Variants in LARP4B observed in about 807,000 individuals in gnomAD.
The protein encoded by LARP4B is La ribonucleoprotein 4B.
A neutral mutation model predicts 89.8 loss-of-function variants in LARP4B; 12 were observed. The observed-to-expected ratio is 0.13, with a 90% confidence interval of 0.09 to 0.22. The LOEUF (loss-of-function observed/expected upper bound fraction) is 0.22, where lower values mean the gene tolerates loss of function less well. LARP4B is among the 10% of genes least tolerant of loss of function. The probability of loss-of-function intolerance (pLI) is 1.00; values close to 1 mark genes in which losing one functional copy is unlikely to be tolerated. For synonymous variants in LARP4B, 367 were observed against 363.3 expected (o/e 1.01, Z -0.12); for missense variants, 757 against 947.7 (o/e 0.80, Z 2.64).
chr10:913,376 T>C (rs1437962014), intron 1 of LARP4B, among the ~76,000 whole-genome samples: 2 of 152,232 alleles, frequency 1.3e-5, no homozygotes, highest in Non-Finnish European at 2.9e-5. Flanking sequence ...CACCTCTAAT[T>C]AACCAGCTTA....
chr10:846,187 G>T (rs926728951), intron 5 of LARP4B, among the ~76,000 whole-genome samples: 2 of 152,176 alleles, frequency 1.3e-5, no homozygotes, highest in African/African-American at 4.8e-5. Flanking sequence ...ATGTTTAATA[G>T]GTATTTACTA....
intron 12 of LARP4B, 45 bp from the exon 13 acceptor site, chr10:825,361 A>G (rs751332874): frequency 3.1e-5 from 49 of 1,586,634 alleles, no homozygotes; most frequent in Non-Finnish European, 3.5e-5. Flanking sequence ...AAAATGATCA[A>G]GGCATTACAT....
At chr10:904,509 C>T (rs553012751) in intron 1 of LARP4B, among the ~76,000 whole-genome samples, 7 of 150,896 alleles carry the variant, frequency 4.6e-5, no homozygotes, top group East Asian at 2.0e-4. Flanking sequence ...GGCATTAAGC[C>T]GAGATCATGC....
At chr10:947,169 C>T in the LARP4B span, among the ~76,000 whole-genome samples, 35 of 152,290 alleles carry the variant, frequency 2.3e-4, no homozygotes, top group Admixed American at 2.0e-3. Flanking sequence ...TATGCCCAGC[C>T]GGAAGCACTT....
At chr10:890,504 T>A (rs549671276) in intron 1 of LARP4B, among the ~76,000 whole-genome samples, 1 of 152,280 alleles carries the variant, frequency 6.6e-6, no homozygotes, top group East Asian at 1.9e-4. Context: ...AGTGAATCAA[T>A]TTAAATAAAT....
At chr10:941,595 A>G in the LARP4B span, among the ~76,000 whole-genome samples, 9 of 152,192 alleles carry the variant, frequency 5.9e-5, 1 homozygote, top group African/African-American at 2.2e-4. Context: ...TGCTGGGATT[A>G]CAGGCGCGAG....
intron 13 of LARP4B, among the ~76,000 whole-genome samples, chr10:824,175 C>G (rs974046742): frequency 6.6e-6 from 1 of 152,192 alleles, no homozygotes; most frequent in Non-Finnish European, 1.5e-5. Context: ...CTTACCAAGG[C>G]AAGGACTGAG....
At chr10:844,922 C>T in intron 6 of LARP4B, 55 bp downstream of exon 6, 1 of 1,294,054 alleles carries the variant, frequency 7.7e-7, no homozygotes, top group Non-Finnish European at 1.1e-6. Context: ...TATACTTTAA[C>T]TATTTGCACA....
chr10:951,602 C>T, the LARP4B span, among the ~76,000 whole-genome samples: 2 of 152,184 alleles, frequency 1.3e-5, no homozygotes, highest in African/African-American at 4.8e-5. Context: ...TCCACTTTGC[C>T]AGGAACTTCA....
At chr10:836,295 A>G in intron 8 of LARP4B, 108 bp downstream of exon 8, 2 of 704,892 alleles carry the variant, frequency 2.8e-6, no homozygotes, top group Non-Finnish European at 5.0e-6. Flanking sequence ...GTAAGTACTC[A>G]GTCTAAAAAA....
the LARP4B span, among the ~76,000 whole-genome samples, chr10:951,879 C>T: frequency 6.8e-6 from 1 of 147,614 alleles, no homozygotes; most frequent in Non-Finnish European, 1.5e-5. Flanking sequence ...GCATAACATA[C>T]AACCTTTAAA....
chr10:929,212 T>C (rs1837232863), intron 1 of LARP4B, among the ~76,000 whole-genome samples: 1 of 151,856 alleles, frequency 6.6e-6, no homozygotes, highest in Non-Finnish European at 1.5e-5. Flanking sequence ...GATACATGTG[T>C]AAACAAGCCA....
Position 814,066 on chromosome 10 carries a change from G to T in LARP4B, c.1929+676C>A, listed in dbSNP as rs1275793879. ...TCTGCCTACCTCGGCCTCCCAAAGT[G>T]CTGGGATTACAGGCGTGAGCCACAG... is the stretch of plus-strand genomic sequence containing the variant. On this transcript the variant is annotated intron_variant, in intron 17 of 17. Transcript: ENST00000316157. The surrounding 1 kb of genome is among the most constrained non-coding windows in gnomAD (Gnocchi z 4.4). Among the ~76,000 whole-genome samples, 1 of 151,954 alleles carries T rather than the reference G, an allele frequency of 6.6e-6. No homozygotes were observed. The highest frequency in any genetic ancestry group is 1.5e-5 in the Non-Finnish European group (1 of 68,000).
Position 812,816 on chromosome 10 carries a change from GC to G in LARP4B, c.*109del. 1 of 978,380 alleles carries G rather than the reference GC, an allele frequency of 1.0e-6. No individual in the cohort carries two copies. The highest frequency in any genetic ancestry group is 2.9e-5 in the East Asian group (1 of 34,758). 60.6% of individuals were successfully genotyped at this position (978,380 alleles called of 1,614,324 possible). ...GAAAACCAACTTGAGGATCCCACAG[GC>G]CTCAGACACTGCAAGCTCCTAACCA... On this transcript the variant is annotated 3_prime_UTR_variant, in exon 18 of 18. Coordinates refer to ENST00000316157, the MANE Select transcript of LARP4B (RefSeq NM_015155.3).
chr10:827,275 C>CAAAAAAAAAGAAAAAAA (rs58903055), intron 11 of LARP4B, among the ~76,000 whole-genome samples: 3,908 of 151,100 alleles, frequency 0.026, 198 homozygotes, highest in African/African-American at 0.089. Context: ...GACTCTGTCT[C>CAAAAAAAAAGAAAAAAA]AAAGAAAAAG....
chr10:919,960 T>C (rs2132044141), intron 1 of LARP4B, among the ~76,000 whole-genome samples: 1 of 152,380 alleles, frequency 6.6e-6, no homozygotes, highest in South Asian at 2.1e-4. Context: ...TTAAGGTTAA[T>C]GGATTATCTA....
the LARP4B span, chr10:971,552 T>C: frequency 1.3e-5 from 2 of 152,186 alleles, no homozygotes; most frequent in African/African-American, 4.8e-5. Flanking sequence ...CAGGGTGAAA[T>C]TGTTTTGCAT....
the LARP4B span, among the ~76,000 whole-genome samples, chr10:970,036 TTTG>T: frequency 6.6e-6 from 1 of 152,194 alleles, no homozygotes; most frequent in East Asian, 1.9e-4. Context: ...CGGTGACCTC[TTTG>T]TTGTCCCAGG....
At chr10:898,027 C>T (rs962979521) in intron 1 of LARP4B, among the ~76,000 whole-genome samples, 4 of 147,806 alleles carry the variant, frequency 2.7e-5, no homozygotes, top group Admixed American at 6.8e-5. Context: ...GCAAATGATC[C>T]GAACGAACAT....
Sources: allele counts gnomAD v4.1 joint callset (sites outside exome capture counted in the v4.1 genomes callset), GRCh38; gene constraint gnomAD v4.1.1; non-coding constraint Gnocchi (gnomAD v3.1); transcripts MANE v1.5; gene names NCBI Gene and HGNC (gene_info 2026-07-23, HGNC 2026-07-21).